The following NR2F1-AS1 variants were observed in gnomAD, a reference collection of about 807,000 sequenced individuals.
The protein encoded by NR2F1-AS1 is NR2F1 antisense RNA 1.
upstream of NR2F1-AS1, among the ~76,000 whole-genome samples, chr5:93,581,836 CCT>C (rs1180859681): frequency 3.9e-4 from 20 of 50,832 alleles, no homozygotes; most frequent in African/African-American, 1.1e-3. Context: ...CTCTCTCTCT[CCT>C]CTCTCTCTCT....
At chr5:93,461,612 G>T (rs1198833998) in intron 4 of NR2F1-AS1, among the ~76,000 whole-genome samples, 1 of 152,200 alleles carries the variant, frequency 6.6e-6, no homozygotes, top group East Asian at 1.9e-4. Context: ...GTTGTAGAGT[G>T]AGATGTAGTT....
intron 4 of NR2F1-AS1, among the ~76,000 whole-genome samples, chr5:93,474,924 G>C (rs1750448052): frequency 6.6e-6 from 1 of 152,132 alleles, no homozygotes; most frequent in South Asian, 2.1e-4. Flanking sequence ...AGGAGATCGA[G>C]ACCATCCTGG....
chr5:93,496,814 G>A (rs1173590926), intron 4 of NR2F1-AS1, among the ~76,000 whole-genome samples: 1 of 152,170 alleles, frequency 6.6e-6, no homozygotes, highest in African/African-American at 2.4e-5. Context: ...ATAGGAGTCA[G>A]CATTCTTGGA....
At chr5:93,414,040 CA>C (rs1372851604) in intron 4 of NR2F1-AS1, among the ~76,000 whole-genome samples, 1 of 152,170 alleles carries the variant, frequency 6.6e-6, no homozygotes, top group East Asian at 1.9e-4. Context: ...CTGGCTCTTG[CA>C]GATGACCACA....
intron 4 of NR2F1-AS1, among the ~76,000 whole-genome samples, chr5:93,510,520 C>A (rs1751273985): frequency 6.6e-6 from 1 of 152,016 alleles, no homozygotes; most frequent in Non-Finnish European, 1.5e-5. Flanking sequence ...CTCAAAGAAC[C>A]TCATTTTTCA....
At chr5:93,444,032 A>C (rs1018644970) in intron 4 of NR2F1-AS1, among the ~76,000 whole-genome samples, 1 of 152,204 alleles carries the variant, frequency 6.6e-6, no homozygotes, top group Non-Finnish European at 1.5e-5. Flanking sequence ...GCCTGCCCTA[A>C]AAGAGCTCCT....
At chr5:93,557,589 T>A (rs544644063) in intron 2 of NR2F1-AS1, among the ~76,000 whole-genome samples, 1 of 151,818 alleles carries the variant, frequency 6.6e-6, no homozygotes, top group East Asian at 1.9e-4. Context: ...AAAAAAAAAA[T>A]GTGAATGATC....
chr5:93,519,206 C>T (rs949090614), intron 4 of NR2F1-AS1, among the ~76,000 whole-genome samples: 2 of 151,836 alleles, frequency 1.3e-5, no homozygotes, highest in Non-Finnish European at 2.9e-5. Context: ...AACTTTAAAC[C>T]CTAGAAACAC....
chr5:93,475,934 A>G (rs962869236), intron 4 of NR2F1-AS1, among the ~76,000 whole-genome samples: 2 of 152,212 alleles, frequency 1.3e-5, no homozygotes, highest in African/African-American at 4.8e-5. Context: ...ACATTAGTTC[A>G]CTACTAGAGT....
intron 4 of NR2F1-AS1, among the ~76,000 whole-genome samples, chr5:93,513,806 TA>T (rs1751348493): frequency 1.3e-5 from 2 of 152,048 alleles, no homozygotes; most frequent in Admixed American, 1.3e-4. Flanking sequence ...GAATCTAAAA[TA>T]AAAGATGAAA....
At chr5:93,551,338 T>C (rs1752223620) in intron 4 of NR2F1-AS1, among the ~76,000 whole-genome samples, 1 of 152,138 alleles carries the variant, frequency 6.6e-6, no homozygotes, top group Admixed American at 6.6e-5. Context: ...CCTTTTAGTA[T>C]CTTCATTGTA....
At chr5:93,554,055 A>C (rs1752294113) in intron 3 of NR2F1-AS1, among the ~76,000 whole-genome samples, 2 of 152,202 alleles carry the variant, frequency 1.3e-5, no homozygotes, top group African/African-American at 4.8e-5. Flanking sequence ...AATTCATTGT[A>C]GTCTATATAT....
intron 4 of NR2F1-AS1, among the ~76,000 whole-genome samples, chr5:93,412,904 T>C (rs1273941146): frequency 6.6e-6 from 1 of 152,070 alleles, no homozygotes; most frequent in Non-Finnish European, 1.5e-5. Flanking sequence ...CCACATCCAC[T>C]TGGTCACTAA....
intron 4 of NR2F1-AS1, among the ~76,000 whole-genome samples, chr5:93,428,196 T>C (rs946592507): frequency 6.6e-6 from 1 of 152,184 alleles, no homozygotes; most frequent in African/African-American, 2.4e-5. Context: ...AGCAATGTAA[T>C]ATATTATTTC....
chr5:93,517,464 T>C (rs1751420879), intron 4 of NR2F1-AS1, among the ~76,000 whole-genome samples: 1 of 152,094 alleles, frequency 6.6e-6, no homozygotes, highest in South Asian at 2.1e-4. Context: ...ATACTTCTCT[T>C]TTCACATTTT....
chr5:93,532,193 T>C (rs923063682), intron 4 of NR2F1-AS1, among the ~76,000 whole-genome samples: 8 of 152,174 alleles, frequency 5.3e-5, no homozygotes, highest in African/African-American at 1.9e-4. Flanking sequence ...TTAATGTTCT[T>C]CGTTATTTTA....
intron 4 of NR2F1-AS1, among the ~76,000 whole-genome samples, chr5:93,462,528 C>T (rs1750118965): frequency 6.6e-6 from 1 of 151,774 alleles, no homozygotes; most frequent in African/African-American, 2.4e-5. Context: ...GTAAAGATAC[C>T]CAAAAATGTG....
intron 4 of NR2F1-AS1, among the ~76,000 whole-genome samples, chr5:93,461,708 T>A (rs973500186): frequency 3.3e-5 from 5 of 152,190 alleles, no homozygotes; most frequent in Non-Finnish European, 4.4e-5. Context: ...TTAGATTAAT[T>A]ATGCCAAATA....
chr5:93,510,768 A>C (rs1751278374), intron 4 of NR2F1-AS1, among the ~76,000 whole-genome samples: 3 of 152,192 alleles, frequency 2.0e-5, no homozygotes, highest in Non-Finnish European at 4.4e-5. Context: ...GCAGCCAAAG[A>C]ATGCGGAAGA....
Sources: allele counts gnomAD v4.1 joint callset (sites outside exome capture counted in the v4.1 genomes callset), GRCh38; gene constraint gnomAD v4.1.1; transcripts MANE v1.5; gene names NCBI Gene and HGNC (gene_info 2026-07-23, HGNC 2026-07-21).